ARB2A: variants seen among roughly 807,000 people sequenced by gnomAD.
The protein encoded by ARB2A is cotranscriptional regulator ARB2A.
chr5:94,095,905 C>T, the ARB2A span, among the ~76,000 whole-genome samples: 60 of 152,120 alleles, frequency 3.9e-4, no homozygotes, highest in South Asian at 2.9e-3. Flanking sequence ...TTATCTCTCC[C>T]GCTCTCCATC....
chr5:94,101,176 A>G, the ARB2A span, among the ~76,000 whole-genome samples: 4 of 152,210 alleles, frequency 2.6e-5, no homozygotes, highest in Non-Finnish European at 5.9e-5. Flanking sequence ...AAAGACATAC[A>G]TGTGGCCAAG....
the ARB2A span, among the ~76,000 whole-genome samples, chr5:93,757,555 A>G: frequency 1.8e-4 from 27 of 152,338 alleles, no homozygotes; most frequent in African/African-American, 6.0e-4. Context: ...ACAAGCCAGA[A>G]GGGATAGGGG....
At chr5:93,756,605 T>C in the ARB2A span, among the ~76,000 whole-genome samples, 1 of 152,116 alleles carries the variant, frequency 6.6e-6, no homozygotes, top group Non-Finnish European at 1.5e-5. Context: ...TGGGTGGTTA[T>C]ACCCAGCAGA....
the ARB2A span, among the ~76,000 whole-genome samples, chr5:93,778,501 T>C: frequency 6.6e-6 from 1 of 152,166 alleles, no homozygotes; most frequent in Non-Finnish European, 1.5e-5. Flanking sequence ...AAAAATAGGC[T>C]CCCAATGATA....
the ARB2A span, among the ~76,000 whole-genome samples, chr5:94,063,886 G>A: frequency 6.6e-6 from 1 of 151,798 alleles, no homozygotes; most frequent in Non-Finnish European, 1.5e-5. Context: ...CAAAAAATTG[G>A]AAGAGTTGAT....
chr5:93,711,792 G>A, the ARB2A span, among the ~76,000 whole-genome samples: 1 of 152,268 alleles, frequency 6.6e-6, no homozygotes, highest in East Asian at 1.9e-4. Context: ...GCTAGAAGGG[G>A]CTGACTTGAT....
the ARB2A span, among the ~76,000 whole-genome samples, chr5:93,802,015 A>G: frequency 3.3e-5 from 5 of 152,150 alleles, no homozygotes; most frequent in Admixed American, 2.0e-4. Context: ...TGAAAATGCT[A>G]TAACTTTTAC....
At chr5:93,986,170 G>T in the ARB2A span, among the ~76,000 whole-genome samples, 1 of 151,458 alleles carries the variant, frequency 6.6e-6, no homozygotes, top group African/African-American at 2.4e-5. Context: ...GGGAAGTGAG[G>T]AGCGCCTCTG....
chr5:93,884,788 AAATT>A, the ARB2A span, among the ~76,000 whole-genome samples: 1 of 151,642 alleles, frequency 6.6e-6, no homozygotes, highest in South Asian at 2.1e-4. Context: ...TATTTCTGTT[AAATT>A]AATTAATGCA....
At chr5:93,883,386 A>G in the ARB2A span, among the ~76,000 whole-genome samples, 1 of 142,156 alleles carries the variant, frequency 7.0e-6, no homozygotes, top group Non-Finnish European at 1.5e-5. Flanking sequence ...TGTAATTTAA[A>G]CTTTCTACAT....
chr5:93,945,414 CAAA>C, the ARB2A span, among the ~76,000 whole-genome samples: 1 of 59,944 alleles, frequency 1.7e-5, no homozygotes. Context: ...GATTCCATCT[CAAA>C]AAAAAAAAAA....
At chr5:93,644,347 C>T in the ARB2A span, among the ~76,000 whole-genome samples, 7 of 152,074 alleles carry the variant, frequency 4.6e-5, no homozygotes, top group East Asian at 1.2e-3. Context: ...CATTGGTATA[C>T]CAGTGTGGAA....
the ARB2A span, among the ~76,000 whole-genome samples, chr5:93,684,649 T>C: frequency 1.2e-4 from 19 of 152,198 alleles, no homozygotes; most frequent in African/African-American, 4.1e-4. Context: ...GTTAGTGTGA[T>C]TGAGTTTTAT....
At chr5:93,832,129 T>C in the ARB2A span, among the ~76,000 whole-genome samples, 1 of 152,094 alleles carries the variant, frequency 6.6e-6, no homozygotes, top group Non-Finnish European at 1.5e-5. Context: ...CACTACTTTT[T>C]AGTGGGAGCC....
chr5:93,620,778 G>T, the ARB2A span: 1 of 521,580 alleles, frequency 1.9e-6, no homozygotes, highest in Non-Finnish European at 3.0e-6. Flanking sequence ...CGCTCAGCCC[G>T]CAGGAAGCAC....
chr5:93,859,253 T>C, the ARB2A span, among the ~76,000 whole-genome samples: 2 of 152,116 alleles, frequency 1.3e-5, no homozygotes, highest in African/African-American at 4.8e-5. Context: ...TTTCTAGTGG[T>C]TAAAACACAT....
At chr5:94,075,700 G>A in the ARB2A span, among the ~76,000 whole-genome samples, 1 of 152,156 alleles carries the variant, frequency 6.6e-6, no homozygotes, top group East Asian at 1.9e-4. Flanking sequence ...TTTCCGTTCA[G>A]CAGTACATTT....
At chr5:93,848,763 G>A in the ARB2A span, among the ~76,000 whole-genome samples, 1 of 152,198 alleles carries the variant, frequency 6.6e-6, no homozygotes, top group African/African-American at 2.4e-5. Flanking sequence ...ATTCTCATAT[G>A]CTATAAAGAT....
At chr5:93,921,340 G>T in the ARB2A span, among the ~76,000 whole-genome samples, 2 of 152,108 alleles carry the variant, frequency 1.3e-5, no homozygotes, top group African/African-American at 4.8e-5. Flanking sequence ...TTGAGAAAAG[G>T]CAAAGTCATT....
Sources: allele counts gnomAD v4.1 joint callset (sites outside exome capture counted in the v4.1 genomes callset), GRCh38; gene constraint gnomAD v4.1.1; transcripts MANE v1.5; gene names NCBI Gene and HGNC (gene_info 2026-07-23, HGNC 2026-07-21).